NFAM1: variants seen among roughly 807,000 people sequenced by gnomAD.
NFAM1 encodes the protein NFAT activation molecule 1.
In NFAM1, 17 loss-of-function variants were observed where a neutral mutation model predicts 29.0. That is an observed-to-expected ratio of 0.59 (90% CI 0.40 to 0.88). NFAM1 has a LOEUF of 0.88. NFAM1 is among the 40% of genes least tolerant of loss of function. The pLI is 0.00. For missense variants in NFAM1, 324 were observed against 344.6 expected (o/e 0.94, Z 0.47); for synonymous variants, 175 against 147.2 (o/e 1.19, Z -1.36).
At chr22:42,398,486 T>A (rs543487948) in intron 3 of NFAM1, among the ~76,000 whole-genome samples, 2 of 151,530 alleles carry the variant, frequency 1.3e-5, no homozygotes, top group Non-Finnish European at 2.9e-5. Context: ...AATCTCAGCT[T>A]ACTGCAACCT....
intron 1 of NFAM1, 37 bp from the exon 2 acceptor site, chr22:42,411,773 T>C (rs772541302): frequency 1.3e-6 from 2 of 1,484,574 alleles, no homozygotes; most frequent in Non-Finnish European, 1.9e-6. Flanking sequence ...AACAGGTCAC[T>C]TGAGGCTGCC....
At position 42,411,561 on chromosome 22, in the gene NFAM1, G is replaced by C. The variant is rs1375831869; in HGVS notation, c.297C>G (p.Cys99Trp). ...GQRSPKKPTN[C>W]HPGLGTENQS... Reference sequence around the variant, plus strand: ...GGTTCTCTGTGCCCAGTCCAGGGTGGCAGTTTGTTGGCTTCTTAGGGCTCC... The same window carrying C: ...GGTTCTCTGTGCCCAGTCCAGGGTGCCAGTTTGTTGGCTTCTTAGGGCTCC... Residue 99 changes from cysteine (C) to tryptophan (W), a missense_variant, in exon 2 of 6, where the codon TGC becomes TGG. Transcript: ENST00000329021. 1 of 1,614,208 alleles carries C rather than the reference G, an allele frequency of 6.2e-7. No individual in the cohort carries two copies. Among genetic ancestry groups the C allele is most frequent in the Non-Finnish European group, 8.5e-7 (1 of 1,180,010 alleles).
upstream of NFAM1, among the ~76,000 whole-genome samples, chr22:42,434,765 G>C (rs1032351667): frequency 2.0e-5 from 3 of 152,228 alleles, no homozygotes; most frequent in African/African-American, 7.2e-5. Flanking sequence ...AGGCTCTGTG[G>C]GTGTCCCAGG....
At chr22:42,432,010 A>G (rs544456735) in intron 1 of NFAM1, among the ~76,000 whole-genome samples, 33 of 152,154 alleles carry the variant, frequency 2.2e-4, no homozygotes, top group African/African-American at 7.5e-4. Context: ...CACAGCAGCG[A>G]GGGAGAGAGC....
At chr22:42,433,401 G>C (rs879923782), upstream of NFAM1, among the ~76,000 whole-genome samples, 1 of 152,198 alleles carries the variant, frequency 6.6e-6, no homozygotes, top group African/African-American at 2.4e-5. Flanking sequence ...GTACAAAAGA[G>C]AAGACCTCGG....
chr22:42,433,652 G>A (rs947225633), upstream of NFAM1, among the ~76,000 whole-genome samples: 1 of 152,156 alleles, frequency 6.6e-6, no homozygotes, highest in Non-Finnish European at 1.5e-5. Flanking sequence ...CCAATGCCAC[G>A]AGCACTGGGA....
chr22:42,389,281 A>C (rs1929252504), intron 4 of NFAM1, among the ~76,000 whole-genome samples: 1 of 152,048 alleles, frequency 6.6e-6, no homozygotes. Context: ...CAACCCATAC[A>C]GTGGGGGAGT....
At chr22:42,411,019 C>CTTTTTTTTTTTTTTTTT (rs138369373) in intron 2 of NFAM1, among the ~76,000 whole-genome samples, 5 of 121,770 alleles carry the variant, frequency 4.1e-5, no homozygotes, top group African/African-American at 1.0e-4. Context: ...CTTTTCTTTT[C>CTTTTTTTTTTTTTTTTT]TTTTTTTTTT....
chr22:42,415,616 G>C (rs1298419356), intron 1 of NFAM1, among the ~76,000 whole-genome samples: 1 of 152,080 alleles, frequency 6.6e-6, no homozygotes, highest in African/African-American at 2.4e-5. Flanking sequence ...TCCTTTCAAT[G>C]GGGCATCAGC....
chr22:42,385,120 C>A lies in NFAM1; in HGVS notation c.*41G>T. 6.6e-7 allele frequency: 1 copy of A among 1,526,716 alleles called. No homozygotes were observed. Among genetic ancestry groups the A allele is most frequent in the Non-Finnish European group, 9.1e-7 (1 of 1,100,902 alleles). The allele number at this position is 1,526,716 out of a possible 1,614,324, so 94.6% of individuals were successfully genotyped here. On this transcript the variant is annotated 3_prime_UTR_variant, in exon 6 of 6. Coordinates refer to ENST00000329021, the MANE Select transcript of NFAM1 (RefSeq NM_145912.8). ...CTTTGGTGGCAGGGGCTGCCCCGGTCCTCTGACCCAGGGCAAGCTCTATGA... is the reference window on the plus strand; with the variant it reads ...CTTTGGTGGCAGGGGCTGCCCCGGTACTCTGACCCAGGGCAAGCTCTATGA...
chr22:42,414,630 C>G (rs1356828871), intron 1 of NFAM1, among the ~76,000 whole-genome samples: 1 of 151,686 alleles, frequency 6.6e-6, no homozygotes, highest in Non-Finnish European at 1.5e-5. Context: ...AATGACATCA[C>G]CACCGACCCT....
upstream of NFAM1, among the ~76,000 whole-genome samples, chr22:42,436,176 C>T (rs934408922): frequency 2.0e-5 from 3 of 152,174 alleles, no homozygotes; most frequent in African/African-American, 7.2e-5. Context: ...AGGCCTCCAG[C>T]CGGGACACAG....
In NFAM1 at chr22:42,415,352, T is replaced by C. The variant is rs367560976; in HGVS notation, c.122-3616A>G. On this transcript the variant is annotated intron_variant, in intron 1 of 5. Transcript: ENST00000329021. ...TCTCGCTCTGTCGCCCAGGCTGGAGTGCGATGGCGCGATCTCAGCTCACTG... is the reference window on the plus strand; with the variant it reads ...TCTCGCTCTGTCGCCCAGGCTGGAGCGCGATGGCGCGATCTCAGCTCACTG... Among the ~76,000 whole-genome samples the C allele has an allele frequency of 2.8e-5, 4 of 141,952 alleles. No individual in the cohort carries two copies. In the East Asian group the frequency reaches 6.2e-4, roughly 22 times the overall value. 93.1% of individuals were successfully genotyped at this position (141,952 alleles called of 152,430 possible).
At chr22:42,390,225 G>A (rs1929288170) in intron 4 of NFAM1, among the ~76,000 whole-genome samples, 1 of 152,128 alleles carries the variant, frequency 6.6e-6, no homozygotes, top group Non-Finnish European at 1.5e-5. Flanking sequence ...ATTTGCTACT[G>A]AGTGTCCCCA....
At chr22:42,386,489 G>A (rs2147087788) in intron 5 of NFAM1, among the ~76,000 whole-genome samples, 1 of 151,806 alleles carries the variant, frequency 6.6e-6, no homozygotes, top group African/African-American at 2.4e-5. Flanking sequence ...GCCCTATCAT[G>A]ACAATCACAG....
At chr22:42,437,656 C>A in the NFAM1 span, among the ~76,000 whole-genome samples, 92 of 152,340 alleles carry the variant, frequency 6.0e-4, no homozygotes, top group African/African-American at 1.9e-3. Context: ...GCTGATGGTG[C>A]CACCTGGTGG....
rs1491236869 is a variant in NFAM1 at position 42,419,989 on chromosome 22, G to GTTTTTTTTTTTT, written c.122-8254_122-8253insAAAAAAAAAAAA. 7.1e-5 allele frequency among the ~76,000 whole-genome samples: 4 copies of GTTTTTTTTTTTT among 56,526 alleles called. No individual in the cohort carries two copies. Among genetic ancestry groups the GTTTTTTTTTTTT allele is most frequent in the Middle Eastern group, 7.9e-3 (1 of 126 alleles). The allele number at this position is 56,526 out of a possible 152,430, so 37.1% of individuals were successfully genotyped here. A position where few individuals can be genotyped will look rare whatever the true frequency, so the allele number is the denominator to read the frequency against. ...CCTTTGAGTCTGTAATCCCACTCTTGGTTTTTTTTTTTTTTTTTTTTTTTT... is the reference window on the plus strand; with the variant it reads ...CCTTTGAGTCTGTAATCCCACTCTTGTTTTTTTTTTTTGTTTTTTTTTTTTTTTTTTTTTTTT... On this transcript the variant is annotated intron_variant, in intron 1 of 5. Coordinates refer to ENST00000329021, the MANE Select transcript of NFAM1 (RefSeq NM_145912.8). The surrounding 1 kb of genome is among the most constrained non-coding windows in gnomAD (Gnocchi z 4.5).
upstream of NFAM1, among the ~76,000 whole-genome samples, chr22:42,433,600 G>T (rs539219868): frequency 6.6e-6 from 1 of 152,292 alleles, no homozygotes; most frequent in South Asian, 2.1e-4. Context: ...TTTTCCCTGG[G>T]CTGCTCCAAA....
At chr22:42,421,810 C>G (rs1930455339) in intron 1 of NFAM1, among the ~76,000 whole-genome samples, 1 of 152,236 alleles carries the variant, frequency 6.6e-6, no homozygotes, top group African/African-American at 2.4e-5. Flanking sequence ...GGTTTGCCCT[C>G]CAATTTAATT....
Sources: allele counts gnomAD v4.1 joint callset (sites outside exome capture counted in the v4.1 genomes callset), GRCh38; gene constraint gnomAD v4.1.1; non-coding constraint Gnocchi (gnomAD v3.1); transcripts MANE v1.5; gene names NCBI Gene and HGNC (gene_info 2026-07-23, HGNC 2026-07-21).